CACNA1C: variants seen among roughly 807,000 people sequenced by gnomAD.
CACNA1C encodes the protein voltage-dependent L-type calcium channel subunit alpha-1C.
Under a neutral mutation model 229.0 loss-of-function variants are expected in CACNA1C, and 30 were observed. The ratio of observed to expected loss-of-function variants is 0.13; its 90% confidence interval spans 0.10 to 0.18. The LOEUF (loss-of-function observed/expected upper bound fraction) is 0.18. Among genes scored for constraint, CACNA1C ranks in the 10% least tolerant of loss-of-function variants. The pLI is 1.00. For synonymous variants in CACNA1C, 1,114 were observed against 1,132.5 expected (o/e 0.98, Z 0.33); for missense variants, 1,658 against 2,845.0 (o/e 0.58, Z 9.49).
chr12:2,630,955 G>A lies in CACNA1C; in HGVS notation c.3829-3342G>A, dbSNP rs2090099138. ...GGGGCTCCCATGGTCAAGAAAGAGGGGGCTGTGCCTTCTGTCTGCACATAT... is the reference window on the plus strand; with the variant it reads ...GGGGCTCCCATGGTCAAGAAAGAGGAGGCTGTGCCTTCTGTCTGCACATAT... On this transcript the variant is annotated intron_variant, in intron 29 of 46. Transcript: ENST00000399655. This position sits in a 1 kb window ranked among gnomAD's most constrained non-coding sequence, Gnocchi z 5.4. Among the ~76,000 whole-genome samples, 1 of 152,104 alleles carries A rather than the reference G, an allele frequency of 6.6e-6. No homozygotes were observed. Among genetic ancestry groups the A allele is most frequent in the Non-Finnish European group, 1.5e-5 (1 of 68,030 alleles).
At chr12:2,079,161 G>A (rs898659032) in intron 1 of CACNA1C, among the ~76,000 whole-genome samples, 2 of 151,532 alleles carry the variant, frequency 1.3e-5, no homozygotes, top group African/African-American at 4.9e-5. Flanking sequence ...GATAGCATTA[G>A]GAGATATACC....
At chr12:1,983,355 C>G (rs1205109775) in intron 1 of CACNA1C, among the ~76,000 whole-genome samples, 1 of 151,906 alleles carries the variant, frequency 6.6e-6, no homozygotes, top group Non-Finnish European at 1.5e-5. Flanking sequence ...GAACTTTCTT[C>G]TTTTCCAATA....
chr12:2,031,993 TTGTGTGTG>T (rs60474439), intron 1 of CACNA1C, among the ~76,000 whole-genome samples: 4 of 150,940 alleles, frequency 2.7e-5, no homozygotes, highest in African/African-American at 4.9e-5. Context: ...GTGAGTGTGT[TTGTGTGTG>T]TGTGTGTGTG....
intron 3 of CACNA1C, among the ~76,000 whole-genome samples, chr12:2,364,674 G>A (rs1299861211): frequency 1.3e-5 from 2 of 152,168 alleles, no homozygotes; most frequent in African/African-American, 4.8e-5. Flanking sequence ...GGATGGCCAC[G>A]CTGGGCTCAC....
At chr12:2,320,402 C>A (rs2095918624) in intron 3 of CACNA1C, among the ~76,000 whole-genome samples, 1 of 152,204 alleles carries the variant, frequency 6.6e-6, no homozygotes, top group Non-Finnish European at 1.5e-5. Context: ...ACCCAAATAC[C>A]AACACGTCCT....
chr12:2,605,009 C>G lies in CACNA1C; in HGVS notation c.2961-72C>G, dbSNP rs1255016940. The G allele has an allele frequency of 1.8e-6, 2 of 1,124,952 alleles. No homozygotes were observed. Among genetic ancestry groups the G allele is most frequent in the South Asian group, 1.2e-5 (1 of 80,276 alleles). The allele number at this position is 1,124,952 out of a possible 1,614,324, so 69.7% of individuals were successfully genotyped here. ...CCTCGGATTCACCTGTCAGGACATT[C>G]CCTTACCACATTATTTTTGCTCCCC... is the stretch of plus-strand genomic sequence containing the variant. On this transcript the variant is annotated intron_variant, in intron 22 of 46. Coordinates refer to ENST00000399655, the MANE Select transcript of CACNA1C (RefSeq NM_000719.7). The surrounding 1 kb of genome is among the most constrained non-coding windows in gnomAD (Gnocchi z 6.2).
chr12:2,557,360 T>C (rs2044980218), intron 11 of CACNA1C, among the ~76,000 whole-genome samples: 1 of 152,190 alleles, frequency 6.6e-6, no homozygotes, highest in African/African-American at 2.4e-5. Flanking sequence ...TTGATGATGA[T>C]GGAAAGCACG....
intron 3 of CACNA1C, among the ~76,000 whole-genome samples, chr12:2,417,109 C>T (rs1442554484): frequency 6.6e-6 from 1 of 152,244 alleles, no homozygotes; most frequent in African/African-American, 2.4e-5. Context: ...AGTCCTCTGG[C>T]AAGGATGTCG....
At chr12:2,256,219 A>C (rs911891850) in intron 3 of CACNA1C, among the ~76,000 whole-genome samples, 1 of 152,194 alleles carries the variant, frequency 6.6e-6, no homozygotes, top group Non-Finnish European at 1.5e-5. Context: ...CCAGGAATCT[A>C]CATTTTTAAC....
At chr12:2,213,303 C>T (rs897094752) in intron 3 of CACNA1C, among the ~76,000 whole-genome samples, 2 of 152,064 alleles carry the variant, frequency 1.3e-5, no homozygotes, top group East Asian at 1.9e-4. Flanking sequence ...TTTGAGCTTT[C>T]TCTGGTGCTG....
At chr12:2,050,288 A>G (rs1179806233), upstream of CACNA1C, among the ~76,000 whole-genome samples, 2 of 152,078 alleles carry the variant, frequency 1.3e-5, no homozygotes, top group Non-Finnish European at 2.9e-5. Flanking sequence ...CTCCACATTT[A>G]CTCAGCTGGG....
intron 1 of CACNA1C, among the ~76,000 whole-genome samples, chr12:2,098,557 A>G (rs551391842): frequency 6.6e-6 from 1 of 152,286 alleles, no homozygotes; most frequent in Admixed American, 6.5e-5. Flanking sequence ...GCCTTTTACT[A>G]ATAGAGGATC....
At chr12:2,157,108 G>A (rs2095591553) in intron 3 of CACNA1C, among the ~76,000 whole-genome samples, 1 of 152,164 alleles carries the variant, frequency 6.6e-6, no homozygotes, top group Non-Finnish European at 1.5e-5. Context: ...TGGAGAATTG[G>A]TTCAACGTTT....
chr12:2,003,140 A>G (rs1052632152), intron 1 of CACNA1C, among the ~76,000 whole-genome samples: 1 of 152,072 alleles, frequency 6.6e-6, no homozygotes, highest in African/African-American at 2.4e-5. Flanking sequence ...TGTCTACCCC[A>G]TTCTTGCTTG....
intron 3 of CACNA1C, among the ~76,000 whole-genome samples, chr12:2,262,494 G>A (rs934594223): frequency 1.3e-5 from 2 of 152,160 alleles, no homozygotes; most frequent in East Asian, 3.8e-4. Flanking sequence ...TGGCCAAGAC[G>A]GTGTCTTCAG....
chr12:2,077,803 G>C (rs938515756), intron 1 of CACNA1C, among the ~76,000 whole-genome samples: 7 of 152,196 alleles, frequency 4.6e-5, no homozygotes, highest in African/African-American at 1.7e-4. Context: ...TCAACAGCAA[G>C]GAAGTGTTCT....
chr12:2,383,609 A>C (rs965184210), intron 3 of CACNA1C, among the ~76,000 whole-genome samples: 3 of 152,194 alleles, frequency 2.0e-5, no homozygotes, highest in Non-Finnish European at 4.4e-5. Context: ...CTGCAATGAT[A>C]ATGTGAATAG....
intron 4 of CACNA1C, among the ~76,000 whole-genome samples, chr12:2,456,748 C>T (rs1220083696): frequency 1.3e-5 from 2 of 152,208 alleles, no homozygotes; most frequent in Non-Finnish European, 2.9e-5. Flanking sequence ...TGCAGAGCCC[C>T]TCCCCGCTCC....
At chr12:2,578,158 G>T (rs894980943) in intron 13 of CACNA1C, among the ~76,000 whole-genome samples, 1 of 152,194 alleles carries the variant, frequency 6.6e-6, no homozygotes, top group Admixed American at 6.5e-5. Flanking sequence ...GTGAGCCACC[G>T]CGCCCGGCCA....
Sources: allele counts gnomAD v4.1 joint callset (sites outside exome capture counted in the v4.1 genomes callset), GRCh38; gene constraint gnomAD v4.1.1; non-coding constraint Gnocchi (gnomAD v3.1); transcripts MANE v1.5; gene names NCBI Gene and HGNC (gene_info 2026-07-23, HGNC 2026-07-21).